The following NCAM2 variants were observed in gnomAD, a reference collection of about 807,000 sequenced individuals.
NCAM2 encodes N-CAM-2.
NCAM2 carries 30 observed loss-of-function variants against 98.1 expected under a neutral mutation model. The observed-to-expected ratio is 0.31, with a 90% confidence interval of 0.23 to 0.41. NCAM2 has a LOEUF of 0.41. Ranked by LOEUF, NCAM2 falls within the 10% of genes least tolerant of loss-of-function variation. NCAM2 has a pLI of 1.00. For synonymous variants in NCAM2, 368 were observed against 342.4 expected (o/e 1.07, Z -0.83); for missense variants, 867 against 1,005.8 (o/e 0.86, Z 1.87).
chr21:21,271,748 A>C (rs1268393777), intron 1 of NCAM2, among the ~76,000 whole-genome samples: 1 of 152,184 alleles, frequency 6.6e-6, no homozygotes, highest in Non-Finnish European at 1.5e-5. Flanking sequence ...AAAGAAATAG[A>C]GTAATAAAAA....
intron 12 of NCAM2, among the ~76,000 whole-genome samples, chr21:21,459,162 G>A (rs1207748440): frequency 6.6e-6 from 1 of 151,136 alleles, no homozygotes; most frequent in African/African-American, 2.4e-5. Context: ...ACTCACACCT[G>A]TTGGGATGGC....
intron 1 of NCAM2, among the ~76,000 whole-genome samples, chr21:21,170,736 A>T (rs1236584481): frequency 6.6e-6 from 1 of 152,192 alleles, no homozygotes. Context: ...ATTCTGAGTG[A>T]ACCTTAATGT....
At chr21:21,518,667 G>A (rs1988845883) in intron 16 of NCAM2, among the ~76,000 whole-genome samples, 1 of 151,340 alleles carries the variant, frequency 6.6e-6, no homozygotes, top group African/African-American at 2.4e-5. Flanking sequence ...ATATATAAAG[G>A]TATAGATAGA....
intron 1 of NCAM2, among the ~76,000 whole-genome samples, chr21:21,249,763 A>G (rs1402971492): frequency 2.6e-5 from 4 of 152,340 alleles, no homozygotes; most frequent in Admixed American, 6.5e-5. Context: ...TTTTCCACAG[A>G]TGAAAAAACA....
intron 1 of NCAM2, among the ~76,000 whole-genome samples, chr21:21,230,660 A>G (rs2147182747): frequency 6.6e-6 from 1 of 151,516 alleles, no homozygotes; most frequent in African/African-American, 2.4e-5. Flanking sequence ...GTGCTTAGCC[A>G]TAATCTGTTT....
chr21:21,393,051 T>C (rs1013976331), intron 9 of NCAM2, among the ~76,000 whole-genome samples: 2 of 152,178 alleles, frequency 1.3e-5, no homozygotes, highest in African/African-American at 4.8e-5. Context: ...ATTATCTAGG[T>C]TGCCTTCCAG....
chr21:21,226,544 A>C (rs1003919895), intron 1 of NCAM2: 7 of 152,070 alleles, frequency 4.6e-5, no homozygotes, highest in Non-Finnish European at 1.0e-4. Flanking sequence ...TACATGCCAC[A>C]ATGTCTATTA....
At chr21:21,411,848 G>C (rs533128064) in intron 10 of NCAM2, among the ~76,000 whole-genome samples, 1 of 152,232 alleles carries the variant, frequency 6.6e-6, no homozygotes, top group East Asian at 1.9e-4. Context: ...TTGCATAGCT[G>C]GCTGGTTGGT....
At chr21:21,347,351 A>T (rs2075218726) in intron 8 of NCAM2, among the ~76,000 whole-genome samples, 1 of 152,022 alleles carries the variant, frequency 6.6e-6, no homozygotes, top group South Asian at 2.1e-4. Context: ...AAGACTCAGA[A>T]TAGCCAAAGC....
At chr21:21,260,968 CAT>C (rs892029688) in intron 1 of NCAM2, among the ~76,000 whole-genome samples, 6 of 151,996 alleles carry the variant, frequency 3.9e-5, no homozygotes, top group African/African-American at 7.3e-5. Flanking sequence ...AGACCTGTCT[CAT>C]GTGTATTGAT....
intron 1 of NCAM2, among the ~76,000 whole-genome samples, chr21:21,278,887 A>G (rs1357364517): frequency 6.6e-6 from 1 of 152,060 alleles, no homozygotes; most frequent in Non-Finnish European, 1.5e-5. Context: ...GTTGTGTTAT[A>G]TTCTTAGTCT....
chr21:21,500,241 C>T (rs575183099), intron 15 of NCAM2, among the ~76,000 whole-genome samples: 72 of 152,116 alleles, frequency 4.7e-4, no homozygotes, highest in African/African-American at 1.6e-3. Context: ...TGATTTTTCT[C>T]TTTTTTCTCT....
chr21:21,360,128 A>G (rs961209260), intron 8 of NCAM2, among the ~76,000 whole-genome samples: 1 of 151,962 alleles, frequency 6.6e-6, no homozygotes, highest in Non-Finnish European at 1.5e-5. Context: ...AACAAAAACC[A>G]GTGCGTAAGA....
intron 8 of NCAM2, among the ~76,000 whole-genome samples, chr21:21,348,439 A>C (rs2075246710): frequency 6.6e-6 from 1 of 152,136 alleles, no homozygotes; most frequent in Admixed American, 6.5e-5. Flanking sequence ...CTGATGAAAA[A>C]AATTTAAGAG....
chr21:21,215,857 T>C (rs2069879028), intron 1 of NCAM2, among the ~76,000 whole-genome samples: 1 of 152,176 alleles, frequency 6.6e-6, no homozygotes, highest in Non-Finnish European at 1.5e-5. Flanking sequence ...AAAGAAACAA[T>C]ATTGTTTAGC....
intron 1 of NCAM2, among the ~76,000 whole-genome samples, chr21:21,170,378 A>G (rs1055407722): frequency 5.3e-5 from 8 of 152,350 alleles, no homozygotes; most frequent in Non-Finnish European, 1.2e-4. Context: ...ATAATGGAAT[A>G]TTATTCAGCA....
chr21:21,447,677 G>A (rs1014985573), intron 12 of NCAM2, among the ~76,000 whole-genome samples: 2 of 151,822 alleles, frequency 1.3e-5, no homozygotes, highest in East Asian at 3.9e-4. Context: ...TAATTTACAA[G>A]GAACTTAAAC....
chr21:21,358,010 C>T (rs889933200), intron 8 of NCAM2, among the ~76,000 whole-genome samples: 3 of 152,038 alleles, frequency 2.0e-5, no homozygotes, highest in Non-Finnish European at 2.9e-5. Context: ...ATTACGAAAA[C>T]GCATAGAATT....
chr21:21,164,682 TAAGTTA>T (rs981375104), intron 1 of NCAM2, among the ~76,000 whole-genome samples: 47 of 152,348 alleles, frequency 3.1e-4, no homozygotes, highest in African/African-American at 1.1e-3. Flanking sequence ...TAGTTAAGTT[TAAGTTA>T]ATTTATTGCA....
Sources: allele counts gnomAD v4.1 joint callset (sites outside exome capture counted in the v4.1 genomes callset), GRCh38; gene constraint gnomAD v4.1.1; transcripts MANE v1.5; gene names NCBI Gene and HGNC (gene_info 2026-07-23, HGNC 2026-07-21).